The following UGT2A1 variants were observed in gnomAD, a reference collection of about 807,000 sequenced individuals.
UGT2A1 encodes the protein UDP glucuronosyltransferase family 2 member A1 complex locus, also known as UDP-glucuronosyltransferase 2A1.
Under a neutral mutation model 45.4 loss-of-function variants are expected in UGT2A1, and 61 were observed. The observed-to-expected ratio is 1.34, with a 90% CI of 1.09 to 1.66. The LOEUF is 1.66. Among genes scored for constraint, UGT2A1 ranks in the 40% most tolerant of loss-of-function variants. The probability of loss-of-function intolerance (pLI) is 0.00; values close to 1 mark genes in which losing one functional copy is unlikely to be tolerated. For missense variants in UGT2A1, 649 were observed against 574.3 expected (o/e 1.13, Z -1.33); for synonymous variants, 229 against 196.2 (o/e 1.17, Z -1.40).
Position 69,589,363 on chromosome 4 carries a change from T to C in UGT2A1, c.*9A>G, listed in dbSNP as rs1224675475. 6.2e-7 allele frequency: 1 copy of C among 1,600,608 alleles called. No individual in the cohort carries two copies. On this transcript the variant is annotated 3_prime_UTR_variant, in exon 7 of 7. Transcript: ENST00000286604. ...CTTAAAAATATATATATTTCCTCTTTTTCTTGACCTATTCTCTTTTTTTCT... is the reference window on the plus strand; with the variant it reads ...CTTAAAAATATATATATTTCCTCTTCTTCTTGACCTATTCTCTTTTTTTCT...
chr4:69,639,052 C>T (rs1465103211), intron 2 of UGT2A1: 3 of 1,613,270 alleles, frequency 1.9e-6, no homozygotes, highest in South Asian at 1.1e-5. Flanking sequence ...GAGACTGGTG[C>T]TGGGATTTTC....
In UGT2A1 at chr4:69,616,833, C is replaced by CTTTTTTT. The variant is rs4148315; in HGVS notation, c.848-17446_848-17440dup. On this transcript the variant is annotated intron_variant, in intron 3 of 6. Coordinates refer to ENST00000286604, the MANE Select transcript of UGT2A1 (RefSeq NM_001252275.3). ...CTAAATTTCTCTGCCATTTTCTTTT[C>CTTTTTTT]TTTTTTTTTTTTTTTTTGAATAGTG... Among the ~76,000 whole-genome samples the CTTTTTTT allele has an allele frequency of 2.8e-4, 35 of 127,254 alleles. 1 individual carries two copies. In the East Asian group the frequency reaches 3.3e-3, roughly 12 times the overall value. The allele number at this position is 127,254 out of a possible 152,430, so 83.5% of individuals were successfully genotyped here.
chr4:69,604,881 T>C (rs925593992), intron 3 of UGT2A1, among the ~76,000 whole-genome samples: 2 of 136,748 alleles, frequency 1.5e-5, no homozygotes, highest in African/African-American at 5.9e-5. Context: ...CTGTCCTAAA[T>C]ATATATGCAC....
At chr4:69,600,169 T>C (rs1024219304) in intron 3 of UGT2A1, among the ~76,000 whole-genome samples, 8 of 152,228 alleles carry the variant, frequency 5.3e-5, no homozygotes, top group African/African-American at 1.9e-4. Flanking sequence ...CTCTGGGATA[T>C]ATACACCCAC....
intron 3 of UGT2A1, among the ~76,000 whole-genome samples, chr4:69,622,290 C>A (rs1433173560): frequency 6.6e-6 from 1 of 151,588 alleles, no homozygotes; most frequent in African/African-American, 2.4e-5. Context: ...TAATGTATAA[C>A]ACCACAAAGA....
intron 3 of UGT2A1, among the ~76,000 whole-genome samples, chr4:69,608,309 C>A (rs1431824855): frequency 7.1e-6 from 1 of 141,166 alleles, no homozygotes; most frequent in Non-Finnish European, 1.5e-5. Flanking sequence ...TCTCAGCAAA[C>A]TATCTCAAGG....
At chr4:69,641,282 TTTTAA>T (rs1722037277) in intron 2 of UGT2A1, among the ~76,000 whole-genome samples, 1 of 151,942 alleles carries the variant, frequency 6.6e-6, no homozygotes, top group African/African-American at 2.4e-5. Flanking sequence ...TATATAACGC[TTTTAA>T]TTTGAGTTGA....
At chr4:69,594,030 A>G (rs1328610511) in intron 6 of UGT2A1, among the ~76,000 whole-genome samples, 2 of 135,694 alleles carry the variant, frequency 1.5e-5, no homozygotes, top group Non-Finnish European at 3.0e-5. Context: ...GCTGGAGTGC[A>G]GTGGCACAAT....
chr4:69,616,862 TCTAAGTTTC>T (rs1720437829), intron 3 of UGT2A1, among the ~76,000 whole-genome samples: 1 of 134,512 alleles, frequency 7.4e-6, no homozygotes. Flanking sequence ...AATAGTGGTT[TCTAAGTTTC>T]ATTTTCCCAC....
At chr4:69,625,727 A>G (rs1721018228) in intron 3 of UGT2A1, among the ~76,000 whole-genome samples, 1 of 151,558 alleles carries the variant, frequency 6.6e-6, no homozygotes, top group Non-Finnish European at 1.5e-5. Context: ...TTACATACAG[A>G]AATACAGAGC....
chr4:69,651,047 A>G lies in UGT2A1; in HGVS notation c.-55+2141T>C, dbSNP rs530407555. On this transcript the variant is annotated intron_variant, in intron 1 of 6. Coordinates refer to ENST00000286604, the MANE Select transcript of UGT2A1 (RefSeq NM_001252275.3). ...TTGTGGAGTACATAATAGACGCATA[A>G]ATTCATGTGATACATGTGATGTGCT... Among the ~76,000 whole-genome samples, 5 of 152,230 alleles carry G rather than the reference A, an allele frequency of 3.3e-5. No individual in the cohort carries two copies. The South Asian group carries it at 1.1e-3, about 32-fold the overall frequency.
intron 1 of UGT2A1, among the ~76,000 whole-genome samples, chr4:69,652,669 AAAAT>A (rs1560500957): frequency 6.6e-6 from 1 of 152,194 alleles, no homozygotes; most frequent in Non-Finnish European, 1.5e-5. Context: ...AATAGATTTT[AAAAT>A]AAATATTTAA....
At chr4:69,593,566 A>G (rs1020020080) in intron 6 of UGT2A1, among the ~76,000 whole-genome samples, 1 of 151,488 alleles carries the variant, frequency 6.6e-6, no homozygotes, top group African/African-American at 2.4e-5. Flanking sequence ...AGACTTATAT[A>G]TATAATATAC....
chr4:69,594,007 C>A (rs1423009539), intron 6 of UGT2A1, among the ~76,000 whole-genome samples: 2 of 108,564 alleles, frequency 1.8e-5, no homozygotes, highest in Admixed American at 2.5e-4. Context: ...CTGAGTCTTG[C>A]TCTTTTGCCC....
At chr4:69,642,673 A>G (rs990020882) in intron 2 of UGT2A1, among the ~76,000 whole-genome samples, 4 of 151,646 alleles carry the variant, frequency 2.6e-5, no homozygotes, top group African/African-American at 9.7e-5. Flanking sequence ...TTGAAAATCT[A>G]GATTTCTTAT....
In UGT2A1 at chr4:69,602,661, T is replaced by C. The variant is rs994757573; in HGVS notation, c.848-3267A>G. On this transcript the variant is annotated intron_variant, in intron 3 of 6. Transcript: ENST00000286604. ...GAAGATTTAATTTAAAAACTAAATT[T>C]CCACTGAAAAACTTGGAATAGTTTT... Among the ~76,000 whole-genome samples, 2 of 137,698 alleles carry C rather than the reference T, an allele frequency of 1.5e-5. 1 individual carries two copies. 90.3% of individuals were successfully genotyped at this position (137,698 alleles called of 152,430 possible).
At chr4:69,635,849 A>AAAAAAAAAAAAAAAAAAAGAG (rs772370302) in intron 2 of UGT2A1, 27 bp from the exon 3 acceptor site, 2 of 118,512 alleles carry the variant, frequency 1.7e-5, no homozygotes, top group African/African-American at 8.0e-5. Flanking sequence ...AAAAAAAAAA[A>AAAAAAAAAAAAAAAAAAAGAG]AGAGAGAGAG....
chr4:69,628,774 A>C (rs1721228943), intron 3 of UGT2A1, among the ~76,000 whole-genome samples: 1 of 149,766 alleles, frequency 6.7e-6, no homozygotes, highest in Non-Finnish European at 1.5e-5. Flanking sequence ...GTTTCAGCTT[A>C]CAAAATAAAA....
Position 69,594,629 on chromosome 4 carries a change from GT to G in UGT2A1, c.1151del (p.His384ProfsTer21), listed in dbSNP as rs767487037. 10 of 1,614,094 alleles carry G rather than the reference GT, an allele frequency of 6.2e-6. No homozygotes were observed. Among genetic ancestry groups the G allele is most frequent in the African/African-American group, 1.3e-5 (1 of 75,034 alleles). ...GTNGIYEAIYHGVPMVGVPMF... is the reference protein window; with the variant it reads ...GTNGIYEAIYXGVPMVGVPMF... Reference sequence around the variant, plus strand: ...TGGGAACTCCCACCATAGGGACTCCGTGGTAAATAGCTTCGTAGATCCCATT... The same window carrying G: ...TGGGAACTCCCACCATAGGGACTCCGGGTAAATAGCTTCGTAGATCCCATT... On this transcript the variant is annotated frameshift_variant, in exon 6 of 7. Transcript: ENST00000286604. LOFTEE classifies it high-confidence loss of function.
Sources: gnomAD v4.1 joint callset for allele counts (sites outside exome capture counted in the v4.1 genomes callset) on GRCh38, gnomAD v4.1.1 for gene constraint, MANE v1.5 for transcripts, NCBI Gene and HGNC (gene_info 2026-07-23, HGNC 2026-07-21) for gene names.